SDF2L1: variants seen among roughly 807,000 people sequenced by gnomAD.
SDF2L1 encodes stromal cell derived factor 2 like 1.
A neutral mutation model predicts 19.4 loss-of-function variants in SDF2L1; 18 were observed. The ratio of observed to expected loss-of-function variants is 0.93; its 90% CI spans 0.64 to 1.38. The LOEUF (loss-of-function observed/expected upper bound fraction) is 1.38. Among genes scored for constraint, SDF2L1 ranks in the 40% most tolerant of loss-of-function variants. SDF2L1 has a pLI of 0.00. For missense variants in SDF2L1, 263 were observed against 319.4 expected (o/e 0.82, Z 1.35); for synonymous variants, 161 against 148.9 (o/e 1.08, Z -0.59).
chr22:21,644,125 ATCT>A lies in SDF2L1; in HGVS notation c.619_621del (p.Phe207del). ...CAATACGTGGAAGGCCATGGAAGGCATCTTCATCAAGCCTAGTGTGGAGCCCTC... is the reference window on the plus strand; with the variant it reads ...CAATACGTGGAAGGCCATGGAAGGCATCATCAAGCCTAGTGTGGAGCCCTC... On this transcript the variant is annotated inframe_deletion, in exon 3 of 3. Coordinates refer to ENST00000248958, the MANE Select transcript of SDF2L1 (RefSeq NM_022044.3). 6.2e-7 allele frequency: 1 copy of A among 1,614,198 alleles called. No homozygotes were observed. The highest frequency in any genetic ancestry group is 8.5e-7 in the Non-Finnish European group (1 of 1,180,044).
In SDF2L1 at chr22:21,642,487, G is replaced by A. The variant is rs11555534; in HGVS notation, c.151G>A (p.Val51Met). 2.0e-6 allele frequency: 3 copies of A among 1,517,942 alleles called. No homozygotes were observed. Among genetic ancestry groups the A allele is most frequent in the Admixed American group, 5.0e-5 (2 of 40,238 alleles). 94.0% of individuals were successfully genotyped at this position (1,517,942 alleles called of 1,614,324 possible). The change falls in exon 1 of 3, where the codon GTG (valine) becomes ATG (methionine). Residue 51 changes from valine to methionine, a missense_variant. Coordinates refer to ENST00000248958, the MANE Select transcript of SDF2L1 (RefSeq NM_022044.3). ...VLKLLNTHHRVRLHSHDIKYG... is the reference protein window; with the variant it reads ...VLKLLNTHHRMRLHSHDIKYG... ...GAAGCTGCTCAATACGCACCACCGC[G>A]TGCGGCTGCACTCGCACGACATCAA...
chr22:21,642,379 T>C lies in SDF2L1; in HGVS notation c.43T>C (p.Leu15=), dbSNP rs573019330. The change falls in exon 1 of 3, where the codon TTG becomes CTG. Residue 15 remains leucine, a synonymous_variant. Coordinates refer to ENST00000248958, the MANE Select transcript of SDF2L1 (RefSeq NM_022044.3). ...GRGGAAWPVL[L]GLLLALLVPG... is the part of the protein sequence containing the mutation. ...CGGCGGGGCTGCCTGGCCGGTGCTGTTGGGGCTGCTGCTGGCGCTGTTAGT... is the reference window on the plus strand; with the variant it reads ...CGGCGGGGCTGCCTGGCCGGTGCTGCTGGGGCTGCTGCTGGCGCTGTTAGT... The C allele has an allele frequency of 2.6e-5, 38 of 1,439,342 alleles. 1 individual carries two copies. The South Asian group carries it at 4.1e-4, about 15-fold the overall frequency. 89.2% of individuals were successfully genotyped at this position (1,439,342 alleles called of 1,614,324 possible).
At chr22:21,643,752 G>A (rs958490656) in intron 2 of SDF2L1, 142 bp from the exon 3 acceptor site, 54 of 750,888 alleles carry the variant, frequency 7.2e-5, no homozygotes, top group Middle Eastern at 7.6e-4. Context: ...TAGAGGTTGC[G>A]GGGGCGGGTC....
At chr22:21,643,101 T>C in intron 2 of SDF2L1, 43 bp downstream of exon 2, 1 of 1,542,750 alleles carries the variant, frequency 6.5e-7, no homozygotes, top group Non-Finnish European at 8.8e-7. Context: ...CTGGCCTGTG[T>C]GAGGGGCCAG....
chr22:21,644,298 G>C lies in SDF2L1; in HGVS notation c.*123G>C. ...TTGTGATTAAAGAATGTTGGTCTAT[G>C]ATTGCGTTTCACTGTGAGCCTGAGG... On this transcript the variant is annotated 3_prime_UTR_variant, in exon 3 of 3. Coordinates refer to ENST00000248958, the MANE Select transcript of SDF2L1 (RefSeq NM_022044.3). 9.1e-7 allele frequency: 1 copy of C among 1,104,480 alleles called. No homozygotes were observed. Among genetic ancestry groups the C allele is most frequent in the Non-Finnish European group, 1.3e-6 (1 of 764,822 alleles). 68.4% of individuals were successfully genotyped at this position (1,104,480 alleles called of 1,614,324 possible). A position where few individuals can be genotyped will look rare whatever the true frequency, so the allele number is the denominator to read the frequency against.
intron 2 of SDF2L1, among the ~76,000 whole-genome samples, chr22:21,643,690 G>A (rs2066098845): frequency 6.6e-6 from 1 of 152,174 alleles, no homozygotes; most frequent in South Asian, 2.1e-4. Context: ...TGCACAGACA[G>A]ATGCAATGGT....
intron 2 of SDF2L1, 135 bp from the exon 3 acceptor site, chr22:21,643,759 G>A (rs2148472750): frequency 1.2e-6 from 1 of 845,656 alleles, no homozygotes; most frequent in East Asian, 2.7e-5. Flanking sequence ...TGCGGGGGCG[G>A]GTCATGGTGT....
rs1482286123 is a variant in SDF2L1, at chr22:21,642,422, C to T, written c.86C>T (p.Ala29Val). The T allele has an allele frequency of 4.1e-6, 6 of 1,465,542 alleles. No individual in the cohort carries two copies. The highest frequency in any genetic ancestry group is 5.4e-6 in the Non-Finnish European group (6 of 1,118,412). 90.8% of individuals were successfully genotyped at this position (1,465,542 alleles called of 1,614,324 possible). ...CTGTTAGTGCCGGGCGGTGGTGCCGCCAAGACCGGTGCGGAGCTCGTGACC... is the reference window on the plus strand; with the variant it reads ...CTGTTAGTGCCGGGCGGTGGTGCCGTCAAGACCGGTGCGGAGCTCGTGACC... ...LALLVPGGGA[A>V]KTGAELVTCG... The change falls in exon 1 of 3, where the codon GCC becomes GTC. Residue 29 changes from alanine (A) to valine (V), a missense_variant. Ala to Val is a moderately conservative substitution (Grantham distance 64, BLOSUM62 0). Transcript: ENST00000248958.
intron 2 of SDF2L1, 91 bp downstream of exon 2, chr22:21,643,149 T>C: frequency 7.0e-7 from 1 of 1,431,386 alleles, no homozygotes; most frequent in Non-Finnish European, 9.4e-7. Flanking sequence ...CCTCAGCTTC[T>C]TCGTGAAATG....
chr22:21,643,476 A>G (rs375664101), intron 2 of SDF2L1, among the ~76,000 whole-genome samples: 25 of 152,194 alleles, frequency 1.6e-4, no homozygotes, highest in East Asian at 5.8e-4. Context: ...GATTGTGCCA[A>G]TGCATGGAGG....
intron 2 of SDF2L1, chr22:21,643,324 C>T (rs1001967614): frequency 1.8e-6 from 1 of 564,756 alleles, no homozygotes; most frequent in Non-Finnish European, 3.1e-6. Context: ...AAGTGGGACC[C>T]AGGAGGGGAA....
intron 2 of SDF2L1, 56 bp from the exon 3 acceptor site, chr22:21,643,838 G>A: frequency 6.5e-7 from 1 of 1,533,254 alleles, no homozygotes; most frequent in Non-Finnish European, 8.8e-7. Flanking sequence ...CGGTGTACTA[G>A]GTGCGAATGC....
chr22:21,643,788 G>A, intron 2 of SDF2L1, 106 bp from the exon 3 acceptor site: 1 of 1,189,766 alleles, frequency 8.4e-7, no homozygotes, highest in Non-Finnish European at 1.2e-6. Context: ...GCAGCTGTGG[G>A]AGCTGAGGCT....
chr22:21,644,087 G>A lies in SDF2L1; in HGVS notation c.578G>A (p.Ser193Asn), dbSNP rs768274562. Residue 193 changes from serine to asparagine, a missense_variant, in exon 3 of 3, where the codon AGT becomes AAT. Coordinates refer to ENST00000248958, the MANE Select transcript of SDF2L1 (RefSeq NM_022044.3). Reference sequence around the variant, plus strand: ...CAGCATGAGGTCCACGGCATGCCCAGTGCCAACACGCACAATACGTGGAAG... The same window carrying A: ...CAGCATGAGGTCCACGGCATGCCCAATGCCAACACGCACAATACGTGGAAG... ...RGQHEVHGMP[S>N]ANTHNTWKAM... is the part of the protein sequence containing the mutation. 6.2e-7 allele frequency: 1 copy of A among 1,614,186 alleles called. No individual in the cohort carries two copies. Among genetic ancestry groups the A allele is most frequent in the Non-Finnish European group, 8.5e-7 (1 of 1,180,036 alleles).
chr22:21,643,832 G>A, intron 2 of SDF2L1, 62 bp from the exon 3 acceptor site: 3 of 1,511,504 alleles, frequency 2.0e-6, no homozygotes, highest in South Asian at 1.2e-5. Context: ...GAGGCTCGGT[G>A]TACTAGGTGC....
Position 21,642,414 on chromosome 22 carries a change from TGGTGCCGCCAAGACC to T in SDF2L1, c.84_98del (p.Ala29_Ala33del). 6.9e-7 allele frequency: 1 copy of T among 1,453,620 alleles called. No individual in the cohort carries two copies. The highest frequency in any genetic ancestry group is 9.0e-7 in the Non-Finnish European group (1 of 1,112,846). 90.0% of individuals were successfully genotyped at this position (1,453,620 alleles called of 1,614,324 possible). A position where few individuals can be genotyped will look rare whatever the true frequency, so the allele number is the denominator to read the frequency against. On this transcript the variant is annotated inframe_deletion, in exon 1 of 3. Coordinates refer to ENST00000248958, the MANE Select transcript of SDF2L1 (RefSeq NM_022044.3). ...TGCTGGCGCTGTTAGTGCCGGGCGG[TGGTGCCGCCAAGACC>T]GGTGCGGAGCTCGTGACCTGCGGGT...
In SDF2L1 at chr22:21,643,252, C is replaced by T. The variant is rs889149362; in HGVS notation, c.384+194C>T. The T allele has an allele frequency of 4.6e-6, 3 of 657,974 alleles. No individual in the cohort carries two copies. The African/African-American group carries it at 5.5e-5, about 12-fold the overall frequency. The allele number at this position is 657,974 out of a possible 1,614,324, so 40.8% of individuals were successfully genotyped here. On this transcript the variant is annotated intron_variant, in intron 2 of 2. Transcript: ENST00000248958. ...CTGCCCTCAGGTGCTCCCGGCCCGG[C>T]AGGGAGAACGACGGGAGAGAGATCC... is the stretch of plus-strand genomic sequence containing the variant.
intron 2 of SDF2L1, chr22:21,643,275 TC>T: frequency 1.6e-6 from 1 of 613,068 alleles, no homozygotes; most frequent in Non-Finnish European, 2.8e-6. Context: ...GGGAGAGAGA[TC>T]CGGAGAGATA....
chr22:21,642,390 G>T lies in SDF2L1; in HGVS notation c.54G>T (p.Leu18=). Residue 18 remains leucine (L), a synonymous_variant, in exon 1 of 3, where the codon CTG becomes CTT. Coordinates refer to ENST00000248958, the MANE Select transcript of SDF2L1 (RefSeq NM_022044.3). ...CCTGGCCGGTGCTGTTGGGGCTGCT[G>T]CTGGCGCTGTTAGTGCCGGGCGGTG... ...GAAWPVLLGL[L]LALLVPGGGA... is the part of the protein sequence containing the mutation. The T allele has an allele frequency of 3.5e-6, 5 of 1,448,302 alleles. No individual in the cohort carries two copies. Among genetic ancestry groups the T allele is most frequent in the East Asian group, 3.0e-5 (1 of 33,462 alleles). 89.7% of individuals were successfully genotyped at this position (1,448,302 alleles called of 1,614,324 possible).
Sources: gnomAD v4.1 joint callset for allele counts (sites outside exome capture counted in the v4.1 genomes callset) on GRCh38, gnomAD v4.1.1 for gene constraint, MANE v1.5 for transcripts, NCBI Gene and HGNC (gene_info 2026-07-23, HGNC 2026-07-21) for gene names.